SBNO1: variants seen among roughly 807,000 people sequenced by gnomAD.
SBNO1 encodes the protein strawberry notch homolog 1, also known as protein strawberry notch homolog 1.
In SBNO1, 23 loss-of-function variants were observed where a neutral mutation model predicts 173.6. The ratio of observed to expected loss-of-function variants is 0.13; its 90% CI spans 0.10 to 0.19. The LOEUF is 0.19. Ranked by LOEUF, SBNO1 falls within the 10% of genes least tolerant of loss-of-function variation. SBNO1 has a pLI of 1.00. For missense variants in SBNO1, 1,238 were observed against 1,671.2 expected (o/e 0.74, Z 4.52); for synonymous variants, 632 against 571.5 (o/e 1.11, Z -1.51).
chr12:123,298,166 C>T lies in SBNO1; in HGVS notation c.3851G>A (p.Gly1284Asp), dbSNP rs1350815424. Residue 1284 changes from glycine to aspartate, a missense_variant, in exon 31 of 32, where the codon GGC becomes GAC. Around this residue, in one of 14 missense-constraint regions of SBNO1, gnomAD observed 351 missense variants for 420.3 expected, o/e 0.84. Coordinates refer to ENST00000602398, the MANE Select transcript of SBNO1 (RefSeq NM_001167856.3). Reference sequence around the variant, plus strand: ...CCCCAAGCTTGCTTTTTTGCAATTGCCGCGCCTAAGAAAAATGGGAAAGAA... The same window carrying T: ...CCCCAAGCTTGCTTTTTTGCAATTGTCGCGCCTAAGAAAAATGGGAAAGAA... ...ADTCTHAYWR[G>D]NCKKASLGLV... The T allele has an allele frequency of 2.5e-6, 4 of 1,610,946 alleles. No individual in the cohort carries two copies. Among genetic ancestry groups the T allele is most frequent in the East Asian group, 2.2e-5 (1 of 44,816 alleles).
chr12:123,356,162 T>C (rs1874437446), intron 1 of SBNO1, among the ~76,000 whole-genome samples: 1 of 152,144 alleles, frequency 6.6e-6, no homozygotes, highest in African/African-American at 2.4e-5. Context: ...TGCCCACTAG[T>C]AGTATGATAT....
rs988635279 is a variant in SBNO1, at chr12:123,293,333, G to A, written c.*2575C>T. On this transcript the variant is annotated 3_prime_UTR_variant, in exon 32 of 32. Coordinates refer to ENST00000602398, the MANE Select transcript of SBNO1 (RefSeq NM_001167856.3). ...CCTGCCTTGGCCTCCCGAAGTGCTGGGATTATAGGAGTGAGCCACCACGCC... is the reference window on the plus strand; with the variant it reads ...CCTGCCTTGGCCTCCCGAAGTGCTGAGATTATAGGAGTGAGCCACCACGCC... 3.9e-5 allele frequency: 6 copies of A among 152,154 alleles called. No individual in the cohort carries two copies. The highest frequency in any genetic ancestry group is 1.4e-4 in the African/African-American group (6 of 41,424). The allele number at this position is 152,154 out of a possible 1,614,324, so 9.4% of individuals were successfully genotyped here.
chr12:123,309,948 A>G (rs1057257594), intron 25 of SBNO1, 92 bp from the exon 26 acceptor site: 4 of 993,480 alleles, frequency 4.0e-6, no homozygotes, highest in East Asian at 2.4e-5. Context: ...TTTCTCTTCT[A>G]AAAGTCTTCC....
intron 1 of SBNO1, among the ~76,000 whole-genome samples, chr12:123,362,878 T>C (rs1875529409): frequency 6.6e-6 from 1 of 150,448 alleles, no homozygotes; most frequent in South Asian, 2.1e-4. Context: ...TTGAGGCCAG[T>C]AGCTGCCTCC....
intron 29 of SBNO1, among the ~76,000 whole-genome samples, chr12:123,303,922 C>CTTTTTTTTTTTTTT (rs11413728): frequency 1.0e-5 from 1 of 100,464 alleles, no homozygotes; most frequent in Non-Finnish European, 1.8e-5. Flanking sequence ...AATAAGTATT[C>CTTTTTTTTTTTTTT]TTTTTTTTTT....
chr12:123,343,980 A>C (rs150575079), intron 4 of SBNO1, among the ~76,000 whole-genome samples: 235 of 152,272 alleles, frequency 1.5e-3, no homozygotes, highest in African/African-American at 5.5e-3. Flanking sequence ...TGTACTAGAT[A>C]TCTTGTTCAG....
At chr12:123,326,029 G>A (rs969542531) in intron 14 of SBNO1, 123 bp downstream of exon 14, 3 of 618,610 alleles carry the variant, frequency 4.8e-6, no homozygotes, top group Admixed American at 6.3e-5. Flanking sequence ...TTTAAGAAAT[G>A]TATTTTTTAG....
At chr12:123,357,480 C>T (rs1398551957) in intron 1 of SBNO1, among the ~76,000 whole-genome samples, 2 of 151,722 alleles carry the variant, frequency 1.3e-5, no homozygotes, top group East Asian at 1.9e-4. Flanking sequence ...TGGTGGCTCA[C>T]GCCTGTAATT....
chr12:123,332,529 TG>T (rs1871338825), intron 7 of SBNO1, among the ~76,000 whole-genome samples: 1 of 148,600 alleles, frequency 6.7e-6, no homozygotes, highest in African/African-American at 2.5e-5. Flanking sequence ...CAACCTCAGG[TG>T]ATCCGCCAGC....
At chr12:123,322,938 C>A (rs905980251) in intron 16 of SBNO1, among the ~76,000 whole-genome samples, 1 of 151,772 alleles carries the variant, frequency 6.6e-6, no homozygotes, top group Non-Finnish European at 1.5e-5. Flanking sequence ...ACTGAAACAC[C>A]CAGCTGTCTA....
intron 28 of SBNO1, among the ~76,000 whole-genome samples, chr12:123,308,042 A>G (rs2048964365): frequency 1.3e-5 from 2 of 152,252 alleles, no homozygotes; most frequent in Non-Finnish European, 2.9e-5. Context: ...ACTGCACTCC[A>G]GCCTGGGCGA....
intron 28 of SBNO1, among the ~76,000 whole-genome samples, chr12:123,305,664 G>C (rs770961903): frequency 6.6e-6 from 1 of 151,918 alleles, no homozygotes; most frequent in Admixed American, 6.6e-5. Flanking sequence ...GTAGAGATGG[G>C]GTTTCTCCAT....
chr12:123,352,438 C>T (rs1422158076), intron 1 of SBNO1, among the ~76,000 whole-genome samples: 3 of 151,892 alleles, frequency 2.0e-5, no homozygotes, highest in African/African-American at 4.8e-5. Context: ...TCCCAAGTAG[C>T]GCCCACCAAC....
chr12:123,329,984 T>C (rs147131440), intron 9 of SBNO1, among the ~76,000 whole-genome samples: 1 of 152,348 alleles, frequency 6.6e-6, no homozygotes, highest in Non-Finnish European at 1.5e-5. Context: ...GTCCATTAGC[T>C]GTACAAATAC....
intron 20 of SBNO1, among the ~76,000 whole-genome samples, chr12:123,319,471 G>A (rs1252050181): frequency 2.0e-5 from 3 of 151,172 alleles, no homozygotes; most frequent in Admixed American, 1.3e-4. Context: ...GTAGTGGTGC[G>A]ATCTCGGCTC....
intron 5 of SBNO1, among the ~76,000 whole-genome samples, chr12:123,339,383 C>T (rs192770312): frequency 1.3e-5 from 2 of 152,186 alleles, no homozygotes; most frequent in African/African-American, 4.8e-5. Flanking sequence ...TACTCCTACT[C>T]ATCCCGAATC....
chr12:123,324,434 G>C (rs1028000956), intron 15 of SBNO1, among the ~76,000 whole-genome samples: 2 of 151,148 alleles, frequency 1.3e-5, no homozygotes, highest in African/African-American at 4.9e-5. Flanking sequence ...CAATTCTCCT[G>C]CCTCAGCCTC....
At chr12:123,337,700 T>C (rs919047272) in intron 5 of SBNO1, among the ~76,000 whole-genome samples, 12 of 152,078 alleles carry the variant, frequency 7.9e-5, no homozygotes. Context: ...GCCAAATGAA[T>C]AGATTTGAAT....
intron 30 of SBNO1, among the ~76,000 whole-genome samples, chr12:123,300,252 A>C (rs1187959027): frequency 6.6e-6 from 1 of 152,150 alleles, no homozygotes; most frequent in Non-Finnish European, 1.5e-5. Context: ...GTAGAGATGG[A>C]GTCTTGCTGT....
Sources: allele counts gnomAD v4.1 joint callset (sites outside exome capture counted in the v4.1 genomes callset), GRCh38; gene constraint gnomAD v4.1.1; regional missense constraint gnomAD v4.1.1; transcripts MANE v1.5; gene names NCBI Gene and HGNC (gene_info 2026-07-23, HGNC 2026-07-21).